Variants in SEMA5B observed in about 807,000 individuals in gnomAD.
SEMA5B encodes the protein semaphorin 5B, also known as semaphorin-5B.
A neutral mutation model predicts 135.0 loss-of-function variants in SEMA5B; 66 were observed. The ratio of observed to expected loss-of-function variants is 0.49; its 90% CI spans 0.40 to 0.60. SEMA5B has a LOEUF of 0.60. Ranked by LOEUF, SEMA5B falls within the 20% of genes least tolerant of loss-of-function variation. The pLI is 0.00. For missense variants in SEMA5B, 1,501 were observed against 1,566.3 expected (o/e 0.96, Z 0.70); for synonymous variants, 690 against 639.5 (o/e 1.08, Z -1.19).
Position 122,938,915 on chromosome 3 carries a change from A to G in SEMA5B, c.474+510T>C, listed in dbSNP as rs947196334. ...AAGTCCTTCTTGGCAGCAGATAATA[A>G]ATCAATCACAGCTCAAAGAAAATGC... On this transcript the variant is annotated intron_variant, in intron 5 of 22. Coordinates refer to ENST00000357599, the MANE Select transcript of SEMA5B (RefSeq NM_001031702.4). Among the ~76,000 whole-genome samples, 110 of 152,326 alleles carry G rather than the reference A, an allele frequency of 7.2e-4. 2 individuals are homozygous for G. The highest frequency in any genetic ancestry group is 5.9e-4 in the Non-Finnish European group (40 of 68,028).
intron 5 of SEMA5B, among the ~76,000 whole-genome samples, chr3:122,929,800 A>T (rs1485184984): frequency 6.6e-6 from 1 of 152,086 alleles, no homozygotes; most frequent in Non-Finnish European, 1.5e-5. Flanking sequence ...CACAGCTTTC[A>T]TGTGGGGACC....
At position 123,001,007 on chromosome 3, in the gene SEMA5B, C is replaced by T. The variant is rs575304953; in HGVS notation, c.-39+26457G>A. Among the ~76,000 whole-genome samples, 22 of 152,272 alleles carry T rather than the reference C, an allele frequency of 1.4e-4. No homozygotes were observed. In the South Asian group the frequency reaches 2.1e-3, roughly 14 times the overall value. ...CAAGGGACTGCACTAGATGGGGAGC[C>T]GGCTGATCCCCAGGAGGCAGCCCTG... On this transcript the variant is annotated intron_variant, in intron 1 of 22. Coordinates refer to ENST00000357599, the MANE Select transcript of SEMA5B (RefSeq NM_001031702.4).
chr3:123,014,720 TC>T (rs1277816793), intron 1 of SEMA5B, among the ~76,000 whole-genome samples: 2 of 152,200 alleles, frequency 1.3e-5, no homozygotes, highest in African/African-American at 4.8e-5. Flanking sequence ...CGAAATATCT[TC>T]ATCAGCTGGA....
intron 1 of SEMA5B, among the ~76,000 whole-genome samples, chr3:123,006,268 G>C (rs1196962540): frequency 6.6e-6 from 1 of 152,194 alleles, no homozygotes. Context: ...AGCAGGATGG[G>C]AGTAACTGAC....
chr3:122,994,810 G>T (rs1159831884), intron 1 of SEMA5B, among the ~76,000 whole-genome samples: 1 of 152,186 alleles, frequency 6.6e-6, no homozygotes, highest in Non-Finnish European at 1.5e-5. Context: ...TACTTCATAG[G>T]GCTGTTGTGA....
intron 1 of SEMA5B, among the ~76,000 whole-genome samples, chr3:122,965,777 G>A (rs1940790911): frequency 6.6e-6 from 1 of 152,226 alleles, no homozygotes; most frequent in Non-Finnish European, 1.5e-5. Context: ...TTTAATTAGA[G>A]TGGGGTAAAG....
chr3:122,982,876 C>T (rs568482346), intron 1 of SEMA5B, among the ~76,000 whole-genome samples: 1 of 152,376 alleles, frequency 6.6e-6, no homozygotes, highest in South Asian at 2.1e-4. Context: ...CTGCCCTGGT[C>T]ACCCGGGAAT....
intron 1 of SEMA5B, among the ~76,000 whole-genome samples, chr3:122,982,413 G>A (rs182071765): frequency 6.6e-6 from 1 of 152,308 alleles, no homozygotes; most frequent in Admixed American, 6.5e-5. Flanking sequence ...ATATCAGCCT[G>A]AGCCAGACAT....
intron 2 of SEMA5B, among the ~76,000 whole-genome samples, chr3:122,950,183 C>G (rs1312093137): frequency 3.3e-5 from 5 of 152,324 alleles, no homozygotes; most frequent in African/African-American, 1.2e-4. Context: ...CACTTATCCT[C>G]ACTCATAACA....
chr3:123,009,173 TCA>T (rs1560440752), intron 1 of SEMA5B, among the ~76,000 whole-genome samples: 1 of 152,116 alleles, frequency 6.6e-6, no homozygotes, highest in Non-Finnish European at 1.5e-5. Context: ...GAGCTTTTAC[TCA>T]GACTCCTATC....
intron 4 of SEMA5B, among the ~76,000 whole-genome samples, chr3:122,942,529 C>T (rs1266298801): frequency 2.6e-5 from 4 of 152,200 alleles, no homozygotes; most frequent in Non-Finnish European, 4.4e-5. Flanking sequence ...AACTCTAGGC[C>T]TGGGTTAAGG....
At chr3:123,002,503 G>A (rs1206222936) in intron 1 of SEMA5B, among the ~76,000 whole-genome samples, 3 of 152,194 alleles carry the variant, frequency 2.0e-5, no homozygotes, top group Non-Finnish European at 4.4e-5. Context: ...TTCTACTGGC[G>A]AAAACAACCC....
In SEMA5B at chr3:122,910,126, T is replaced by A; in HGVS notation, c.*17A>T. 6.2e-7 allele frequency: 1 copy of A among 1,611,742 alleles called. No homozygotes were observed. The highest frequency in any genetic ancestry group is 1.1e-5 in the South Asian group (1 of 90,592). The stretch of plus-strand genomic sequence containing the variant: ...GCCTTATGAAGGCAAGAAGCCCAAG[T>A]CCCCAGGACGGCGGTATCAGCTGTT... On this transcript the variant is annotated 3_prime_UTR_variant, in exon 23 of 23. Coordinates refer to ENST00000357599, the MANE Select transcript of SEMA5B (RefSeq NM_001031702.4).
intron 12 of SEMA5B, 42 bp downstream of exon 12, chr3:122,921,873 C>A (rs1337569162): frequency 6.7e-7 from 1 of 1,491,572 alleles, no homozygotes; most frequent in Non-Finnish European, 8.9e-7. Flanking sequence ...TAAGCGCCTC[C>A]TCCGCAGTGG....
chr3:122,915,831 C>T lies in SEMA5B; in HGVS notation c.1748G>A (p.Ser583Asn). ...CATGTTGGAGCTGTCCTCGAGTGTG[C>T]TGCAACGTTGCTGCTTCCCGTCCCA... ...CGWDGKQQRC[S>N]TLEDSSNMSL... is the part of the protein sequence containing the mutation. Residue 583 changes from serine to asparagine, a missense_variant, in exon 13 of 23, where the codon AGC becomes AAC. This residue lies in a region of SEMA5B where 927 missense variants were observed against 881.6 expected (regional missense o/e 1.05). Transcript: ENST00000357599. 1 of 1,614,078 alleles carries T rather than the reference C, an allele frequency of 6.2e-7. No homozygotes were observed. Among genetic ancestry groups the T allele is most frequent in the Non-Finnish European group, 8.5e-7 (1 of 1,180,006 alleles).
intron 2 of SEMA5B, among the ~76,000 whole-genome samples, chr3:122,954,968 T>C (rs1021519451): frequency 7.2e-6 from 1 of 139,850 alleles, no homozygotes; most frequent in Admixed American, 6.9e-5. Context: ...ATTTTGTTTT[T>C]TGTTTTTTTT....
chr3:122,954,009 G>A (rs530673843), intron 2 of SEMA5B, among the ~76,000 whole-genome samples: 1 of 152,366 alleles, frequency 6.6e-6, no homozygotes, highest in Admixed American at 6.5e-5. Context: ...TCTTTATAGA[G>A]GAAACTGGAA....
chr3:122,911,480 G>A lies in SEMA5B; in HGVS notation c.3091+11C>T. The A allele has an allele frequency of 6.2e-7, 1 of 1,604,938 alleles. No homozygotes were observed. The highest frequency in any genetic ancestry group is 8.5e-7 in the Non-Finnish European group (1 of 1,176,574). ...AGGACCGCAGCATGAGGTAGGTCCG[G>A]TTTCTTTTACCTGCACAGTCGGTGG... On this transcript the variant is annotated intron_variant, in intron 21 of 22. Transcript: ENST00000357599.
intron 2 of SEMA5B, among the ~76,000 whole-genome samples, chr3:122,956,493 G>A (rs1235327682): frequency 6.6e-6 from 1 of 152,202 alleles, no homozygotes; most frequent in African/African-American, 2.4e-5. Context: ...AGAGAAGTGG[G>A]GGCAGGAGCC....
Sources: allele counts gnomAD v4.1 joint callset (sites outside exome capture counted in the v4.1 genomes callset), GRCh38; gene constraint gnomAD v4.1.1; regional missense constraint gnomAD v4.1.1; transcripts MANE v1.5; gene names NCBI Gene and HGNC (gene_info 2026-07-23, HGNC 2026-07-21).